The following AFF1 variants were observed in gnomAD, a reference collection of about 807,000 sequenced individuals.
AFF1 encodes ALF transcription elongation factor 1, also known as AF4/FMR2 family member 1.
A neutral mutation model predicts 121.7 loss-of-function variants in AFF1; 48 were observed. That is an observed-to-expected ratio of 0.39 (90% CI 0.31 to 0.50). The LOEUF is 0.50. Ranked by LOEUF, AFF1 falls within the 20% of genes least tolerant of loss-of-function variation. The pLI, the probability that AFF1 is intolerant of heterozygous loss-of-function variation, is 0.76. For synonymous variants in AFF1, 613 were observed against 563.0 expected (o/e 1.09, Z -1.26); for missense variants, 1,523 against 1,511.7 (o/e 1.01, Z -0.12).
chr4:87,069,776 A>G (rs998358497), intron 4 of AFF1, among the ~76,000 whole-genome samples: 12 of 152,162 alleles, frequency 7.9e-5, no homozygotes, highest in Non-Finnish European at 1.3e-4. Flanking sequence ...AAAGAAATTC[A>G]AAACATAAGT....
intron 2 of AFF1, among the ~76,000 whole-genome samples, chr4:86,954,774 G>C (rs72667735): frequency 6.6e-6 from 1 of 152,096 alleles, no homozygotes; most frequent in Admixed American, 6.5e-5. Context: ...TTAAGTGGAA[G>C]TGGATCATCA....
intron 4 of AFF1, among the ~76,000 whole-genome samples, chr4:87,068,256 T>TTCC (rs1160547119): frequency 4.0e-5 from 2 of 50,614 alleles, no homozygotes; most frequent in Non-Finnish European, 8.4e-5. Context: ...GCATGAAAAT[T>TTCC]GCCCCCCCCC....
chr4:87,000,089 T>C (rs6531944), intron 2 of AFF1, among the ~76,000 whole-genome samples: 142,629 of 152,296 alleles, frequency 0.94, 67,118 homozygotes, highest in Non-Finnish European at 0.98. Context: ...TGGCTTATGA[T>C]ACAAAGTTCA....
chr4:87,075,082 G>C (rs1402919999), intron 4 of AFF1, among the ~76,000 whole-genome samples: 1 of 152,118 alleles, frequency 6.6e-6, no homozygotes, highest in African/African-American at 2.4e-5. Flanking sequence ...CAATTATGCA[G>C]ATTACCTCAC....
chr4:86,955,142 T>G (rs1319909574), intron 2 of AFF1, among the ~76,000 whole-genome samples: 1 of 152,214 alleles, frequency 6.6e-6, no homozygotes, highest in Non-Finnish European at 1.5e-5. Context: ...ATTTTATGAT[T>G]ATTTGTGCCC....
At chr4:87,068,125 A>G (rs1031848224) in intron 4 of AFF1, among the ~76,000 whole-genome samples, 1 of 148,188 alleles carries the variant, frequency 6.7e-6, no homozygotes, top group African/African-American at 2.5e-5. Context: ...AATACATAAT[A>G]CTGGAATTAC....
intron 8 of AFF1, among the ~76,000 whole-genome samples, chr4:87,103,594 C>G (rs1725634179): frequency 6.6e-6 from 1 of 152,142 alleles, no homozygotes; most frequent in African/African-American, 2.4e-5. Context: ...CTATGTAATT[C>G]TCTGCAGGGA....
intron 2 of AFF1, among the ~76,000 whole-genome samples, chr4:86,968,892 G>C (rs564700336): frequency 6.6e-6 from 1 of 152,186 alleles, no homozygotes; most frequent in African/African-American, 2.4e-5. Context: ...TTTCATAAGG[G>C]AAAAAAGGAG....
chr4:87,038,034 G>T (rs1440471686), intron 2 of AFF1, among the ~76,000 whole-genome samples: 1 of 152,210 alleles, frequency 6.6e-6, no homozygotes, highest in Non-Finnish European at 1.5e-5. Context: ...ACAGAAGTGA[G>T]TAGCAGAGAG....
chr4:87,060,477 C>T (rs965017525), intron 4 of AFF1, among the ~76,000 whole-genome samples: 1 of 152,100 alleles, frequency 6.6e-6, no homozygotes, highest in African/African-American at 2.4e-5. Flanking sequence ...GGGAATGAGT[C>T]ATCCAAATGG....
intron 2 of AFF1, among the ~76,000 whole-genome samples, chr4:86,982,756 G>A (rs141921265): frequency 0.015 from 2,300 of 149,240 alleles, 30 homozygotes; most frequent in Non-Finnish European, 0.024. Flanking sequence ...GCTGAGGCAG[G>A]AGAATCGCTT....
chr4:87,116,882 A>T (rs983256219), intron 12 of AFF1, among the ~76,000 whole-genome samples: 3 of 151,988 alleles, frequency 2.0e-5, no homozygotes, highest in African/African-American at 7.3e-5. Context: ...TATGGAGAAA[A>T]TTGTGATGGA....
At chr4:86,968,947 C>T (rs1028097679) in intron 2 of AFF1, among the ~76,000 whole-genome samples, 1 of 152,094 alleles carries the variant, frequency 6.6e-6, no homozygotes. Context: ...CCAGAGTCAT[C>T]TCTAGTTTTG....
At chr4:87,061,403 C>A (rs1720776272) in intron 4 of AFF1, among the ~76,000 whole-genome samples, 1 of 152,196 alleles carries the variant, frequency 6.6e-6, no homozygotes, top group African/African-American at 2.4e-5. Context: ...AGATTCTTCT[C>A]TTAAAAATGA....
At chr4:87,022,575 T>TACACAC (rs1334931504) in intron 2 of AFF1, among the ~76,000 whole-genome samples, 1 of 88,234 alleles carries the variant, frequency 1.1e-5, no homozygotes, top group African/African-American at 5.3e-5. Flanking sequence ...TATATATATA[T>TACACAC]ATATATATCT....
At chr4:86,981,669 C>T (rs917683803) in intron 2 of AFF1, among the ~76,000 whole-genome samples, 1 of 152,188 alleles carries the variant, frequency 6.6e-6, no homozygotes, top group African/African-American at 2.4e-5. Flanking sequence ...GACCCCTGGC[C>T]TAGTTACTAT....
chr4:87,027,304 T>A (rs1311370736), intron 2 of AFF1, among the ~76,000 whole-genome samples: 1 of 152,252 alleles, frequency 6.6e-6, no homozygotes, highest in Non-Finnish European at 1.5e-5. Context: ...AGGTAAGTGC[T>A]CTAGTTTTGC....
At chr4:87,110,938 A>T (rs1726434515) in intron 11 of AFF1, among the ~76,000 whole-genome samples, 1 of 152,166 alleles carries the variant, frequency 6.6e-6, no homozygotes, top group Non-Finnish European at 1.5e-5. Context: ...AACAAAGATA[A>T]AATATTCCCA....
At chr4:86,944,881 T>C (rs1315269360) in intron 1 of AFF1, among the ~76,000 whole-genome samples, 3 of 152,244 alleles carry the variant, frequency 2.0e-5, no homozygotes, top group African/African-American at 7.2e-5. Context: ...CACATGTATG[T>C]GTATACACAC....
Sources: gnomAD v4.1 joint callset for allele counts (sites outside exome capture counted in the v4.1 genomes callset) on GRCh38, gnomAD v4.1.1 for gene constraint, MANE v1.5 for transcripts, NCBI Gene and HGNC (gene_info 2026-07-23, HGNC 2026-07-21) for gene names.